CNTN2: variants seen among roughly 807,000 people sequenced by gnomAD.
CNTN2 encodes the protein contactin-2.
CNTN2 carries 53 observed loss-of-function variants against 117.5 expected under a neutral mutation model. That is an observed-to-expected ratio of 0.45 (90% CI 0.36 to 0.57). The LOEUF (loss-of-function observed/expected upper bound fraction) is 0.57, where lower values mean the gene tolerates loss of function less well. CNTN2 is among the 20% of genes least tolerant of loss of function. The pLI, the probability that CNTN2 is intolerant of heterozygous loss-of-function variation, is 0.00. For synonymous variants in CNTN2, 530 were observed against 561.7 expected (o/e 0.94, Z 0.80); for missense variants, 1,106 against 1,404.3 (o/e 0.79, Z 3.39).
rs774139246 is a variant in CNTN2 at position 205,062,550 on chromosome 1, C to T, written c.1221C>T (p.Ser407=). ...ATAAGCACGGTACCATCTACGCCAG[C>T]GCCGAGCTAGCCGTGCAAGGTAAGG... ...AENKHGTIYA[S]AELAVQALAP... Residue 407 remains serine (S), a synonymous_variant, in exon 10 of 23, where the codon AGC becomes AGT. Transcript: ENST00000331830. 2.9e-5 allele frequency: 46 copies of T among 1,613,318 alleles called. No homozygotes were observed. Among genetic ancestry groups the T allele is most frequent in the Middle Eastern group, 1.6e-4 (1 of 6,080 alleles).
chr1:205,072,397 A>G (rs1210831715), intron 20 of CNTN2, 86 bp from the exon 21 acceptor site: 41 of 1,167,018 alleles, frequency 3.5e-5, no homozygotes, highest in East Asian at 2.6e-4. Context: ...AGAGGCAAAC[A>G]TCCAGAGAAG....
chr1:205,062,714 C>A, intron 10 of CNTN2, 145 bp downstream of exon 10: 1 of 941,570 alleles, frequency 1.1e-6, no homozygotes, highest in Non-Finnish European at 1.5e-6. Flanking sequence ...AGTAGGAGAA[C>A]TCAGAGATTT....
At position 205,059,683 on chromosome 1, in the gene CNTN2, G is replaced by C; in HGVS notation, c.797+1G>C. 1 of 1,610,792 alleles carries C rather than the reference G, an allele frequency of 6.2e-7. No homozygotes were observed. The highest frequency in any genetic ancestry group is 8.5e-7 in the Non-Finnish European group (1 of 1,178,920). ...CCCTGGAGTGCTTCGCCTTTGGGAA[G>C]TGAGTGTGAAGAGGGAGGGGAAGCA... On this transcript the variant is annotated splice_donor_variant, in intron 7 of 22. Coordinates refer to ENST00000331830, the MANE Select transcript of CNTN2 (RefSeq NM_005076.5). LOFTEE classifies it high-confidence loss of function. The surrounding 1 kb of genome is among the most constrained non-coding windows in gnomAD (Gnocchi z 5.6).
rs370377460 is a variant in CNTN2, at chr1:205,058,071, G to C, written c.215+6G>C. The C allele has an allele frequency of 1.4e-4, 224 of 1,612,916 alleles. 1 individual carries two copies. The highest frequency in any genetic ancestry group is 1.7e-4 in the Non-Finnish European group (198 of 1,179,680). On this transcript the variant is annotated splice_donor_region_variant and intron_variant, in intron 3 of 22. Coordinates refer to ENST00000331830, the MANE Select transcript of CNTN2 (RefSeq NM_005076.5). This position sits in a 1 kb window ranked among gnomAD's most constrained non-coding sequence, Gnocchi z 4.3. ...AGCCCTCCAGCCACCTATCGGTAAG[G>C]CCTCTGCAGTGGGTGCTGGGAGGCC... is the stretch of plus-strand genomic sequence containing the variant.
chr1:205,063,955 T>G (rs1654124539), intron 10 of CNTN2, among the ~76,000 whole-genome samples: 1 of 150,536 alleles, frequency 6.6e-6, no homozygotes, highest in African/African-American at 2.4e-5. Context: ...GGGGATAGAG[T>G]GGAGCAAGAT....
In CNTN2 at chr1:205,073,823, G is replaced by A; in HGVS notation, c.*58G>A. On this transcript the variant is annotated 3_prime_UTR_variant, in exon 23 of 23. Coordinates refer to ENST00000331830, the MANE Select transcript of CNTN2 (RefSeq NM_005076.5). The surrounding 1 kb of genome is among the most constrained non-coding windows in gnomAD (Gnocchi z 6.3). ...ACGCCACCTCCGACGGACACAGCCA[G>A]CCCCTTCCTGCTGCCAAGGTGGCCT... The A allele has an allele frequency of 1.4e-6, 2 of 1,419,570 alleles. No homozygotes were observed. Among genetic ancestry groups the A allele is most frequent in the Non-Finnish European group, 2.0e-6 (2 of 1,018,692 alleles). 87.9% of individuals were successfully genotyped at this position (1,419,570 alleles called of 1,614,324 possible).
In CNTN2 at chr1:205,061,836, G is replaced by C; in HGVS notation, c.974-29G>C. 6.7e-7 allele frequency: 1 copy of C among 1,502,648 alleles called. No homozygotes were observed. Among genetic ancestry groups the C allele is most frequent in the South Asian group, 1.4e-5 (1 of 74,050 alleles). 93.1% of individuals were successfully genotyped at this position (1,502,648 alleles called of 1,614,324 possible). A position where few individuals can be genotyped will look rare whatever the true frequency, so the allele number is the denominator to read the frequency against. On this transcript the variant is annotated intron_variant, in intron 8 of 22. Coordinates refer to ENST00000331830, the MANE Select transcript of CNTN2 (RefSeq NM_005076.5). This position sits in a 1 kb window ranked among gnomAD's most constrained non-coding sequence, Gnocchi z 4.8. ...GAGCTGGAAGCTCCTCCTAGCTCAT[G>C]CCAGGTTTTCTTTTCCGGGCTCCCA...
chr1:205,061,719 C>T lies in CNTN2; in HGVS notation c.974-146C>T, dbSNP rs1653991946. On this transcript the variant is annotated intron_variant, in intron 8 of 22. Coordinates refer to ENST00000331830, the MANE Select transcript of CNTN2 (RefSeq NM_005076.5). This position sits in a 1 kb window ranked among gnomAD's most constrained non-coding sequence, Gnocchi z 4.8. ...TTCTTGTGCCTCCTTCTTCCGGCCCCCTCCTCTTTGTCCTCTCCATCTCAG... is the reference window on the plus strand; with the variant it reads ...TTCTTGTGCCTCCTTCTTCCGGCCCTCTCCTCTTTGTCCTCTCCATCTCAG... 9.0e-6 allele frequency: 10 copies of T among 1,109,634 alleles called. No individual in the cohort carries two copies. The East Asian group carries it at 2.3e-4, about 26-fold the overall frequency. The allele number at this position is 1,109,634 out of a possible 1,614,324, so 68.7% of individuals were successfully genotyped here.
rs774885705 is a variant in CNTN2, at chr1:205,059,616, G to C, written c.731G>C (p.Arg244Pro). ...CTCTTTGCACCCAGCATCAAGGCCC[G>C]GTTCCCAGCAGAGACCTATGCACTG... Reference protein sequence around the residue: ...TRLFAPSIKARFPAETYALVG... With the variant: ...TRLFAPSIKAPFPAETYALVG... Residue 244 changes from arginine to proline, a missense_variant, in exon 7 of 23, where the codon CGG (arginine) becomes CCG (proline). Arg to Pro is a moderately radical substitution (Grantham distance 103, BLOSUM62 -2). Coordinates refer to ENST00000331830, the MANE Select transcript of CNTN2 (RefSeq NM_005076.5). The surrounding 1 kb of genome is among the most constrained non-coding windows in gnomAD (Gnocchi z 5.6). 7 of 1,614,140 alleles carry C rather than the reference G, an allele frequency of 4.3e-6. No homozygotes were observed. The highest frequency in any genetic ancestry group is 1.1e-5 in the South Asian group (1 of 91,084).
At chr1:205,071,295 G>C (rs1400766363) in intron 19 of CNTN2, among the ~76,000 whole-genome samples, 1 of 152,208 alleles carries the variant, frequency 6.6e-6, no homozygotes, top group Non-Finnish European at 1.5e-5. Flanking sequence ...ACTCCACAAA[G>C]GGGTACCTGT....
chr1:205,072,175 G>A (rs1261354996), intron 20 of CNTN2, 42 bp downstream of exon 20: 2 of 1,546,530 alleles, frequency 1.3e-6, no homozygotes, highest in African/African-American at 1.4e-5. Context: ...CAATATTTTG[G>A]AGGGTGGGTG....
chr1:205,075,970 C>G lies in CNTN2; in HGVS notation c.*2205C>G, dbSNP rs1654844939. 6.6e-6 allele frequency: 1 copy of G among 152,188 alleles called. No homozygotes were observed. The highest frequency in any genetic ancestry group is 2.4e-5 in the African/African-American group (1 of 41,442). 9.4% of individuals were successfully genotyped at this position (152,188 alleles called of 1,614,324 possible). ...TTGCCTCGGGCTGCGTCAGGGGAAG[C>G]AGGGGACAGGTGTCCAGTTGCTGGG... On this transcript the variant is annotated 3_prime_UTR_variant, in exon 23 of 23. Transcript: ENST00000331830.
intron 1 of CNTN2, among the ~76,000 whole-genome samples, chr1:205,050,984 G>A (rs943184542): frequency 6.6e-6 from 1 of 152,222 alleles, no homozygotes; most frequent in Non-Finnish European, 1.5e-5. Flanking sequence ...GTATTAAATG[G>A]AGTTTCAACT....
chr1:205,055,561 A>G (rs2096459662), intron 2 of CNTN2, among the ~76,000 whole-genome samples: 1 of 152,156 alleles, frequency 6.6e-6, no homozygotes, highest in African/African-American at 2.4e-5. Context: ...GGCATTTTCT[A>G]AGACTTGGTC....
chr1:205,070,126 G>A (rs1282209355), intron 18 of CNTN2, 65 bp downstream of exon 18: 10 of 1,483,090 alleles, frequency 6.7e-6, no homozygotes, highest in South Asian at 4.7e-5. Flanking sequence ...GATGTGGGGT[G>A]GGGGAACGCT....
intron 1 of CNTN2, among the ~76,000 whole-genome samples, chr1:205,052,171 T>G (rs1289498230): frequency 6.6e-6 from 1 of 152,174 alleles, no homozygotes; most frequent in East Asian, 1.9e-4. Context: ...GTGGAGGCTC[T>G]GAGCCCAGTG....
Position 205,061,845 on chromosome 1 carries a change from T to C in CNTN2, c.974-20T>C. The C allele has an allele frequency of 2.0e-6, 3 of 1,503,518 alleles. No individual in the cohort carries two copies. The highest frequency in any genetic ancestry group is 2.7e-6 in the Non-Finnish European group (3 of 1,125,758). 93.1% of individuals were successfully genotyped at this position (1,503,518 alleles called of 1,614,324 possible). ...GCTCCTCCTAGCTCATGCCAGGTTT[T>C]CTTTTCCGGGCTCCCACAGCTCAGC... On this transcript the variant is annotated intron_variant, in intron 8 of 22. Coordinates refer to ENST00000331830, the MANE Select transcript of CNTN2 (RefSeq NM_005076.5). This position sits in a 1 kb window ranked among gnomAD's most constrained non-coding sequence, Gnocchi z 4.8.
At position 205,066,568 on chromosome 1, in the gene CNTN2, A is replaced by G; in HGVS notation, c.1944A>G (p.Pro648=). ...IAKYTLQART[P]PAGKWKQVRT... ...AGTACACCCTGCAAGCTCGCACTCC[A>G]CCTGCAGGGAAGTGGAAGCAGGTTC... is the stretch of plus-strand genomic sequence containing the variant. Residue 648 remains proline, a synonymous_variant, in exon 15 of 23, where the codon CCA becomes CCG. Transcript: ENST00000331830. 1 of 1,613,970 alleles carries G rather than the reference A, an allele frequency of 6.2e-7. No individual in the cohort carries two copies. The highest frequency in any genetic ancestry group is 2.2e-5 in the East Asian group (1 of 44,874).
chr1:205,067,581 G>A, intron 16 of CNTN2: 1 of 223,294 alleles, frequency 4.5e-6, no homozygotes, highest in Admixed American at 5.1e-5. Flanking sequence ...TTGAACCCAG[G>A]ACCATGGGGT....
Sources: allele counts gnomAD v4.1 joint callset (sites outside exome capture counted in the v4.1 genomes callset), GRCh38; gene constraint gnomAD v4.1.1; non-coding constraint Gnocchi (gnomAD v3.1); transcripts MANE v1.5; gene names NCBI Gene and HGNC (gene_info 2026-07-23, HGNC 2026-07-21).